The following MTRF1 variants were observed in gnomAD, a reference collection of about 807,000 sequenced individuals.
MTRF1 encodes mitochondrial translation release factor 1.
Under a neutral mutation model 62.9 loss-of-function variants are expected in MTRF1, and 51 were observed. The ratio of observed to expected loss-of-function variants is 0.81; its 90% confidence interval spans 0.65 to 1.02. The LOEUF is 1.02. MTRF1 is among the 50% of genes least tolerant of loss of function. The pLI is 0.00. For missense variants in MTRF1, 446 were observed against 530.0 expected, an observed-to-expected ratio of 0.84 and a Z score of 1.56; for synonymous variants, 158 against 181.9, an observed-to-expected ratio of 0.87 and a Z score of 1.06.
At chr13:41,302,805 G>T in the MTRF1 span, among the ~76,000 whole-genome samples, 2 of 152,168 alleles carry the variant, frequency 1.3e-5, no homozygotes, top group Admixed American at 6.5e-5. Flanking sequence ...GATTACAGGC[G>T]TGAGCCACTG....
Position 41,216,938 on chromosome 13 carries a change from AAAATAAATT to A in MTRF1, c.*168_*176del. 2 of 417,274 alleles carry A rather than the reference AAAATAAATT, an allele frequency of 4.8e-6. No individual in the cohort carries two copies. The highest frequency in any genetic ancestry group is 4.2e-6 in the Non-Finnish European group (1 of 236,120). 25.8% of individuals were successfully genotyped at this position (417,274 alleles called of 1,614,324 possible). ...TTGGATTGTACTTTACAGGAAACCT[AAAATAAATT>A]CTTAGGTCAGGAAATGTGACTTCGA... On this transcript the variant is annotated 3_prime_UTR_variant, in exon 10 of 10. Transcript: ENST00000379480.
intron 5 of MTRF1, among the ~76,000 whole-genome samples, chr13:41,241,219 T>C (rs1469237655): frequency 6.6e-6 from 1 of 152,196 alleles, no homozygotes; most frequent in Non-Finnish European, 1.5e-5. Context: ...TAATTTTTTG[T>C]ATTTTTAGTA....
At chr13:41,274,627 A>G in the MTRF1 span, among the ~76,000 whole-genome samples, 1 of 151,688 alleles carries the variant, frequency 6.6e-6, no homozygotes. Context: ...TTACTCCACG[A>G]TAACTTTGAC....
chr13:41,263,900 C>T (rs2040739327), upstream of MTRF1, among the ~76,000 whole-genome samples: 1 of 152,150 alleles, frequency 6.6e-6, no homozygotes, highest in Non-Finnish European at 1.5e-5. Context: ...TACCTTGCGG[C>T]AGCCTCCAAC....
chr13:41,257,777 C>T (rs1418848037), intron 2 of MTRF1: 1 of 449,652 alleles, frequency 2.2e-6, no homozygotes, highest in Non-Finnish European at 4.5e-6. Context: ...CAGCCTGGGC[C>T]ACAGAGCAAG....
In MTRF1 at chr13:41,240,435, T is replaced by C; in HGVS notation, c.698-2A>G. 2 of 1,611,190 alleles carry C rather than the reference T, an allele frequency of 1.2e-6. No homozygotes were observed. Among genetic ancestry groups the C allele is most frequent in the Non-Finnish European group, 1.7e-6 (2 of 1,178,666 alleles). On this transcript the variant is annotated splice_acceptor_variant, in intron 5 of 9. Transcript: ENST00000379480. LOFTEE classifies it high-confidence loss of function. The stretch of plus-strand genomic sequence containing the variant: ...GGGCGGCTGCATGATGTAGTCCACC[T>C]AGGGGAACAACAATCCAGAAATAGT...
chr13:41,289,840 C>T, the MTRF1 span, among the ~76,000 whole-genome samples: 2 of 152,164 alleles, frequency 1.3e-5, no homozygotes, highest in African/African-American at 2.4e-5. Context: ...GCACAACCAA[C>T]GCTTCAAAAG....
At chr13:41,253,335 T>C (rs2139110901) in intron 3 of MTRF1, among the ~76,000 whole-genome samples, 1 of 152,326 alleles carries the variant, frequency 6.6e-6, no homozygotes, top group East Asian at 1.9e-4. Flanking sequence ...TCTTCAGATT[T>C]TGGCGCTTAT....
the MTRF1 span, among the ~76,000 whole-genome samples, chr13:41,297,040 A>T: frequency 6.6e-6 from 1 of 152,178 alleles, no homozygotes; most frequent in Non-Finnish European, 1.5e-5. Flanking sequence ...GATTTCTGAT[A>T]ACTTTAAGAT....
the MTRF1 span, chr13:41,311,133 G>C: frequency 4.6e-4 from 137 of 295,812 alleles, 2 homozygotes; most frequent in South Asian, 3.9e-3. Context: ...GCGGCGAGGA[G>C]AGCCGCAGCA....
At chr13:41,302,539 T>A in the MTRF1 span, among the ~76,000 whole-genome samples, 1 of 151,852 alleles carries the variant, frequency 6.6e-6, no homozygotes, top group Non-Finnish European at 1.5e-5. Flanking sequence ...TTTTTAAATT[T>A]TTTTTTTTGA....
At chr13:41,254,470 G>T in intron 3 of MTRF1, 59 bp downstream of exon 3, 1 of 1,280,952 alleles carries the variant, frequency 7.8e-7, no homozygotes, top group Non-Finnish European at 1.1e-6. Context: ...GCAGAGTCTA[G>T]CAAAAACAGC....
chr13:41,251,957 G>T (rs979472772), intron 5 of MTRF1, among the ~76,000 whole-genome samples: 1 of 151,574 alleles, frequency 6.6e-6, no homozygotes, highest in African/African-American at 2.4e-5. Flanking sequence ...TTGGCTCACT[G>T]CAACCTCCCC....
At chr13:41,225,149 T>C (rs566098696) in intron 8 of MTRF1, among the ~76,000 whole-genome samples, 5 of 149,886 alleles carry the variant, frequency 3.3e-5, no homozygotes, top group Non-Finnish European at 1.5e-5. Flanking sequence ...GAGGCAGAGG[T>C]TGCAGTGAGC....
the MTRF1 span, among the ~76,000 whole-genome samples, chr13:41,300,703 C>T: frequency 6.6e-6 from 1 of 152,056 alleles, no homozygotes; most frequent in African/African-American, 2.4e-5. Context: ...AGCCACTGCA[C>T]CTGGCCTTAC....
At chr13:41,223,434 C>A in intron 8 of MTRF1, 80 bp from the exon 9 acceptor site, 2 of 1,095,772 alleles carry the variant, frequency 1.8e-6, no homozygotes, top group East Asian at 2.4e-5. Flanking sequence ...TGGCAAATGA[C>A]CATTTCAACA....
intron 5 of MTRF1, among the ~76,000 whole-genome samples, chr13:41,245,987 G>A (rs1189804814): frequency 6.6e-6 from 1 of 152,118 alleles, no homozygotes; most frequent in Admixed American, 6.5e-5. Context: ...GATCTGTTTT[G>A]AGAGGTCATG....
At chr13:41,229,220 T>C (rs1166543605) in intron 7 of MTRF1, 1 of 152,178 alleles carries the variant, frequency 6.6e-6, no homozygotes, top group African/African-American at 2.4e-5. Flanking sequence ...CATGTAATAA[T>C]TGTACATATT....
intron 5 of MTRF1, 42 bp downstream of exon 5, chr13:41,252,603 A>G: frequency 6.8e-7 from 1 of 1,477,412 alleles, no homozygotes; most frequent in Non-Finnish European, 9.4e-7. Context: ...AGGTAAAATA[A>G]TTTTCAGTAT....
Sources: gnomAD v4.1 joint callset for allele counts (sites outside exome capture counted in the v4.1 genomes callset) on GRCh38, gnomAD v4.1.1 for gene constraint, MANE v1.5 for transcripts, NCBI Gene and HGNC (gene_info 2026-07-23, HGNC 2026-07-21) for gene names.